The following PCDHGA4 variants were observed in gnomAD, a reference collection of about 807,000 sequenced individuals.
The protein encoded by PCDHGA4 is protocadherin gamma-A4.
PCDHGA4 carries 38 observed loss-of-function variants against 54.6 expected under a neutral mutation model. The ratio of observed to expected loss-of-function variants is 0.70; its 90% CI spans 0.54 to 0.91. The LOEUF is 0.91. Ranked by LOEUF, PCDHGA4 falls within the 40% of genes least tolerant of loss-of-function variation. The pLI is 0.00. For synonymous variants in PCDHGA4, 511 were observed against 512.9 expected (o/e 1.00, Z 0.05); for missense variants, 1,298 against 1,220.9 (o/e 1.06, Z -0.94).
In PCDHGA4 at chr5:141,485,615, C is replaced by G; in HGVS notation, c.2515-9192C>G. ...CTTGGAAATTGGGGAGGCAGCTCCTCCAGGACAGCGTTTCCCGTTGGAAAA... is the reference window on the plus strand; with the variant it reads ...CTTGGAAATTGGGGAGGCAGCTCCTGCAGGACAGCGTTTCCCGTTGGAAAA... On this transcript the variant is annotated intron_variant, in intron 1 of 3. Coordinates refer to ENST00000571252, the MANE Select transcript of PCDHGA4 (RefSeq NM_018917.4). This position sits in a 1 kb window ranked among gnomAD's most constrained non-coding sequence, Gnocchi z 5.7. 6.2e-7 allele frequency: 1 copy of G among 1,612,250 alleles called. No individual in the cohort carries two copies. The highest frequency in any genetic ancestry group is 1.3e-5 in the African/African-American group (1 of 74,992).
At position 141,420,290 on chromosome 5, in the gene PCDHGA4, T is replaced by C. The variant is rs563124810; in HGVS notation, c.2514+62669T>C. 1.3e-5 allele frequency: 19 copies of C among 1,496,908 alleles called. No individual in the cohort carries two copies. The East Asian group carries it at 3.9e-4, about 30-fold the overall frequency. 92.7% of individuals were successfully genotyped at this position (1,496,908 alleles called of 1,614,324 possible). A position where few individuals can be genotyped will look rare whatever the true frequency, so the allele number is the denominator to read the frequency against. ...TCTTAAACAGGTAAGTATTTAAAAA[T>C]GTATTTAATCCTTTTTATATTACAA... On this transcript the variant is annotated intron_variant, in intron 1 of 3. Transcript: ENST00000571252.
At chr5:141,362,149 T>C (rs759063405) in intron 1 of PCDHGA4, 2 of 1,614,036 alleles carry the variant, frequency 1.2e-6, no homozygotes, top group East Asian at 2.2e-5. Context: ...GCAAGAGGTA[T>C]TGCCAGACCT....
chr5:141,356,146 G>A lies in PCDHGA4; in HGVS notation c.1039G>A (p.Asp347Asn). 6.2e-7 allele frequency: 1 copy of A among 1,613,564 alleles called. No individual in the cohort carries two copies. Among genetic ancestry groups the A allele is most frequent in the South Asian group, 1.1e-5 (1 of 90,914 alleles). ...GLDYEDSGFY[D>N]IDVEAHDGPG... ...AGATTATGAGGACTCTGGATTCTAT[G>A]ACATAGATGTAGAAGCCCATGATGG... is the stretch of plus-strand genomic sequence containing the variant. Residue 347 changes from aspartate to asparagine, a missense_variant, in exon 1 of 4, where the codon GAC (aspartate) becomes AAC (asparagine). Physicochemically the swap from Asp to Asn is conservative, Grantham distance 23. Coordinates refer to ENST00000571252, the MANE Select transcript of PCDHGA4 (RefSeq NM_018917.4).
At chr5:141,454,665 CA>C (rs2098795764) in intron 1 of PCDHGA4, among the ~76,000 whole-genome samples, 3 of 152,058 alleles carry the variant, frequency 2.0e-5, no homozygotes, top group Non-Finnish European at 4.4e-5. Flanking sequence ...CTCGGCCTCC[CA>C]AAACACTGGG....
At chr5:141,422,963 C>T (rs372620011) in intron 1 of PCDHGA4, 43 of 1,614,120 alleles carry the variant, frequency 2.7e-5, no homozygotes, top group Middle Eastern at 1.6e-4. Context: ...GTGGAGCTGG[C>T]GCCCCGCTCT....
intron 1 of PCDHGA4, among the ~76,000 whole-genome samples, chr5:141,463,380 A>G (rs994170903): frequency 2.0e-5 from 3 of 149,876 alleles, no homozygotes; most frequent in Admixed American, 6.7e-5. Context: ...ACAGTCTGAA[A>G]GTTGTCTCCA....
At position 141,491,753 on chromosome 5, in the gene PCDHGA4, C is replaced by T. The variant is rs373728953; in HGVS notation, c.2515-3054C>T. On this transcript the variant is annotated intron_variant, in intron 1 of 3. Coordinates refer to ENST00000571252, the MANE Select transcript of PCDHGA4 (RefSeq NM_018917.4). The surrounding 1 kb of genome is among the most constrained non-coding windows in gnomAD (Gnocchi z 6.9). ...ACCCCTGGGGGCGGCACTGGAGAAGCCGCCCGTCCTCATAAGGGATTGAAC... is the reference window on the plus strand; with the variant it reads ...ACCCCTGGGGGCGGCACTGGAGAAGTCGCCCGTCCTCATAAGGGATTGAAC... 4 of 1,585,146 alleles carry T rather than the reference C, an allele frequency of 2.5e-6. No homozygotes were observed. Among genetic ancestry groups the T allele is most frequent in the East Asian group, 2.3e-5 (1 of 43,412 alleles).
chr5:141,380,372 C>G (rs73265858), intron 1 of PCDHGA4, among the ~76,000 whole-genome samples: 1 of 151,948 alleles, frequency 6.6e-6, no homozygotes, highest in African/African-American at 2.4e-5. Context: ...AAAAAAAAGT[C>G]CCAAAAAAGA....
Position 141,511,628 on chromosome 5 carries a change from G to C in PCDHGA4, c.*455G>C, listed in dbSNP as rs4912608. 0.2 allele frequency: 46,780 copies of C among 231,598 alleles called. 5,185 individuals are homozygous for C. The highest frequency in any genetic ancestry group is 0.32 in the Admixed American group (6,204 of 19,590). The allele number at this position is 231,598 out of a possible 1,614,324, so 14.3% of individuals were successfully genotyped here. A position where few individuals can be genotyped will look rare whatever the true frequency, so the allele number is the denominator to read the frequency against. On this transcript the variant is annotated 3_prime_UTR_variant, in exon 4 of 4. Transcript: ENST00000571252. ...CAAGCCTCCTAGTTCTGAAAAGTTG[G>C]AAGGGCATCATGACCTCTTGGCCTC...
rs1167854077 is a variant in PCDHGA4 at position 141,357,058 on chromosome 5, G to T, written c.1951G>T (p.Gly651Trp). Reference sequence around the variant, plus strand: ...CAGCGAGCCGGGACTATTTGCAGTGGGGCTGCACACAGGCGAGGTGCGCAC... The same window carrying T: ...CAGCGAGCCGGGACTATTTGCAGTGTGGCTGCACACAGGCGAGGTGCGCAC... Reference protein sequence around the residue: ...KSSEPGLFAVGLHTGEVRTAR... With the variant: ...KSSEPGLFAVWLHTGEVRTAR... Residue 651 changes from glycine to tryptophan, a missense_variant, in exon 1 of 4, where the codon GGG becomes TGG. Coordinates refer to ENST00000571252, the MANE Select transcript of PCDHGA4 (RefSeq NM_018917.4). 3 of 1,613,880 alleles carry T rather than the reference G, an allele frequency of 1.9e-6. No homozygotes were observed. The highest frequency in any genetic ancestry group is 2.2e-5 in the South Asian group (2 of 91,088).
intron 1 of PCDHGA4, chr5:141,414,643 C>G (rs765652709): frequency 1.2e-6 from 2 of 1,613,942 alleles, no homozygotes; most frequent in Non-Finnish European, 8.5e-7. Flanking sequence ...AGAGAATGCC[C>G]AGATTATTTA....
chr5:141,466,468 T>C (rs1266315455), intron 1 of PCDHGA4, among the ~76,000 whole-genome samples: 1 of 152,368 alleles, frequency 6.6e-6, no homozygotes, highest in East Asian at 1.9e-4. Flanking sequence ...TTGTTTCTGC[T>C]GTTAATTGTA....
Position 141,489,424 on chromosome 5 carries a change from C to T in PCDHGA4, c.2515-5383C>T, listed in dbSNP as rs758049228. The T allele has an allele frequency of 5.0e-5, 80 of 1,613,958 alleles. No homozygotes were observed. In the Admixed American group the frequency reaches 1.1e-3, roughly 23 times the overall value. On this transcript the variant is annotated intron_variant, in intron 1 of 3. Coordinates refer to ENST00000571252, the MANE Select transcript of PCDHGA4 (RefSeq NM_018917.4). The surrounding 1 kb of genome is among the most constrained non-coding windows in gnomAD (Gnocchi z 4.5). ...CTTAAAGATGACAGATCTGTTGAGC[C>T]GGCGGCTGCAATTGGGCTCTGAGGA...
At position 141,485,576 on chromosome 5, in the gene PCDHGA4, C is replaced by A; in HGVS notation, c.2515-9231C>A. 1 of 1,612,412 alleles carries A rather than the reference C, an allele frequency of 6.2e-7. No individual in the cohort carries two copies. The highest frequency in any genetic ancestry group is 8.5e-7 in the Non-Finnish European group (1 of 1,178,628). On this transcript the variant is annotated intron_variant, in intron 1 of 3. Transcript: ENST00000571252. The surrounding 1 kb of genome is among the most constrained non-coding windows in gnomAD (Gnocchi z 5.7). ...GAATGATCACGCCCCCCGTTTTCCGCGGCAGCAGCTGGACTTGGAAATTGG... is the reference window on the plus strand; with the variant it reads ...GAATGATCACGCCCCCCGTTTTCCGAGGCAGCAGCTGGACTTGGAAATTGG...
At chr5:141,427,615 A>G (rs1428096450) in intron 1 of PCDHGA4, 2 of 693,732 alleles carry the variant, frequency 2.9e-6, no homozygotes, top group Non-Finnish European at 5.3e-6. Context: ...GGTGAAGTCA[A>G]CGACAATGCT....
intron 1 of PCDHGA4, among the ~76,000 whole-genome samples, chr5:141,474,116 A>G (rs2099342954): frequency 1.3e-5 from 2 of 152,234 alleles, no homozygotes; most frequent in African/African-American, 4.8e-5. Flanking sequence ...AACAACAACG[A>G]AAATCTCAGA....
In PCDHGA4 at chr5:141,405,080, A is replaced by T. The variant is rs1382053021; in HGVS notation, c.2514+47459A>T. 2.5e-6 allele frequency: 4 copies of T among 1,613,560 alleles called. No individual in the cohort carries two copies. In the East Asian group the frequency reaches 6.7e-5, roughly 27 times the overall value. On this transcript the variant is annotated intron_variant, in intron 1 of 3. Coordinates refer to ENST00000571252, the MANE Select transcript of PCDHGA4 (RefSeq NM_018917.4). ...CTGTGTCTTCCTCACCTTCGTTATC[A>T]CGCTGCTGGCCCTCAGGCTGAGGCA...
chr5:141,374,336 G>A, intron 1 of PCDHGA4: 1 of 1,614,008 alleles, frequency 6.2e-7, no homozygotes, highest in Non-Finnish European at 8.5e-7. Context: ...CGGCAGCTTG[G>A]TCACCGCGGG....
At chr5:141,362,586 T>C in intron 1 of PCDHGA4, 2 of 1,595,214 alleles carry the variant, frequency 1.3e-6, no homozygotes, top group Non-Finnish European at 1.7e-6. Context: ...TTTTCACTTC[T>C]GGTTTTATTG....
Sources: allele counts gnomAD v4.1 joint callset (sites outside exome capture counted in the v4.1 genomes callset), GRCh38; gene constraint gnomAD v4.1.1; non-coding constraint Gnocchi (gnomAD v3.1); transcripts MANE v1.5; gene names NCBI Gene and HGNC (gene_info 2026-07-23, HGNC 2026-07-21).